Variants in CDH12 observed in about 807,000 individuals in gnomAD.
CDH12 encodes the protein cadherin-12.
A neutral mutation model predicts 74.1 loss-of-function variants in CDH12; 41 were observed. The ratio of observed to expected loss-of-function variants is 0.55; its 90% CI spans 0.43 to 0.72. The LOEUF (loss-of-function observed/expected upper bound fraction) is 0.72, where lower values mean the gene tolerates loss of function less well. CDH12 is among the 30% of genes least tolerant of loss of function. The probability of loss-of-function intolerance (pLI) is 0.00; values close to 1 mark genes in which losing one functional copy is unlikely to be tolerated. For missense variants in CDH12, 945 were observed against 977.2 expected (o/e 0.97, Z 0.44); for synonymous variants, 399 against 355.0 (o/e 1.12, Z -1.39).
At chr5:21,998,552 C>T (rs1736428421) in intron 5 of CDH12, among the ~76,000 whole-genome samples, 1 of 152,058 alleles carries the variant, frequency 6.6e-6, no homozygotes, top group Admixed American at 6.6e-5. Context: ...TCAAAGTTTA[C>T]ATTAAAATTT....
At chr5:21,917,615 C>G (rs1010053666) in intron 6 of CDH12, among the ~76,000 whole-genome samples, 8 of 152,068 alleles carry the variant, frequency 5.3e-5, no homozygotes, top group African/African-American at 1.7e-4. Flanking sequence ...TGTGATGAAA[C>G]TAACAAGTGT....
chr5:22,300,233 T>C (rs899810667), intron 3 of CDH12, among the ~76,000 whole-genome samples: 4 of 152,200 alleles, frequency 2.6e-5, no homozygotes, highest in African/African-American at 2.4e-5. Flanking sequence ...TGCCACTGGG[T>C]CTGTGGTATG....
At chr5:21,829,029 C>T (rs1748853949) in intron 8 of CDH12, among the ~76,000 whole-genome samples, 1 of 151,390 alleles carries the variant, frequency 6.6e-6, no homozygotes, top group African/African-American at 2.4e-5. Flanking sequence ...GGCGCAGTGG[C>T]TCATGCCTGT....
intron 4 of CDH12, among the ~76,000 whole-genome samples, chr5:22,202,634 G>C (rs1750990213): frequency 6.6e-6 from 1 of 152,116 alleles, no homozygotes; most frequent in Non-Finnish European, 1.5e-5. Flanking sequence ...GCAGTCAGGA[G>C]GTGGGAGGAT....
chr5:22,804,553 G>A lies in CDH12; in HGVS notation c.-523+48505C>T, dbSNP rs1748689798. 1.3e-5 allele frequency among the ~76,000 whole-genome samples: 2 copies of A among 152,178 alleles called. 1 individual carries two copies. The highest frequency in any genetic ancestry group is 4.1e-4 in the South Asian group (2 of 4,826). On this transcript the variant is annotated intron_variant, in intron 1 of 14. Coordinates refer to ENST00000382254, the MANE Select transcript of CDH12 (RefSeq NM_004061.5). ...TGAATCGATCAGGCTGAAACCTCTG[G>A]CAGCATTTGATGCCTCAGCCTTGAG...
intron 4 of CDH12, among the ~76,000 whole-genome samples, chr5:22,080,579 C>T (rs1742657206): frequency 6.6e-6 from 1 of 151,986 alleles, no homozygotes; most frequent in Non-Finnish European, 1.5e-5. Context: ...AATATGGAAA[C>T]CTCTAGTCAC....
chr5:22,790,434 C>G (rs1012618085), intron 1 of CDH12, among the ~76,000 whole-genome samples: 1 of 152,022 alleles, frequency 6.6e-6, no homozygotes, highest in African/African-American at 2.4e-5. Context: ...TAGCCCAAAG[C>G]CTTACACTTC....
intron 3 of CDH12, among the ~76,000 whole-genome samples, chr5:22,252,809 T>G (rs980370393): frequency 2.6e-5 from 4 of 152,002 alleles, no homozygotes; most frequent in Non-Finnish European, 4.4e-5. Flanking sequence ...TTAGCTTAAT[T>G]TCTTCTATGT....
At chr5:21,815,569 C>A (rs2149943297) in intron 9 of CDH12, among the ~76,000 whole-genome samples, 1 of 152,298 alleles carries the variant, frequency 6.6e-6, no homozygotes, top group East Asian at 1.9e-4. Context: ...CCTCAGCAAT[C>A]CTCTTTGGCT....
At chr5:21,985,851 A>T (rs1757495151) in intron 5 of CDH12, among the ~76,000 whole-genome samples, 1 of 152,180 alleles carries the variant, frequency 6.6e-6, no homozygotes, top group South Asian at 2.1e-4. Flanking sequence ...ATGAAAGAAG[A>T]TCAGACCCAA....
chr5:22,170,995 C>G (rs959811741), intron 4 of CDH12, among the ~76,000 whole-genome samples: 4 of 151,812 alleles, frequency 2.6e-5, no homozygotes, highest in Non-Finnish European at 5.9e-5. Context: ...AAAATAGGTG[C>G]TGTCAGAGGT....
intron 1 of CDH12, among the ~76,000 whole-genome samples, chr5:22,620,558 A>G (rs1040949509): frequency 2.0e-5 from 3 of 152,126 alleles, no homozygotes; most frequent in African/African-American, 7.2e-5. Flanking sequence ...TAGAAAATAG[A>G]AAAAGCAAAA....
intron 5 of CDH12, among the ~76,000 whole-genome samples, chr5:22,032,157 C>G (rs1738863583): frequency 6.6e-6 from 1 of 151,232 alleles, no homozygotes; most frequent in Non-Finnish European, 1.5e-5. Flanking sequence ...ATATGACATG[C>G]CTGTCAACTA....
At chr5:22,308,681 T>A (rs1738232119) in intron 3 of CDH12, among the ~76,000 whole-genome samples, 1 of 152,106 alleles carries the variant, frequency 6.6e-6, no homozygotes, top group African/African-American at 2.4e-5. Context: ...TATTTGCAGA[T>A]CCTTAACTTG....
rs1175106194 is a variant in CDH12, at chr5:22,788,005, T to G, written c.-523+65053A>C. Among the ~76,000 whole-genome samples, 8 of 152,240 alleles carry G rather than the reference T, an allele frequency of 5.3e-5. No homozygotes were observed. In the East Asian group the frequency reaches 1.5e-3, roughly 29 times the overall value. The stretch of plus-strand genomic sequence containing the variant: ...TTCAGCCACACTCAAGGGATGAGTG[T>G]CACACAAGAGAATGAATAATAGGAA... On this transcript the variant is annotated intron_variant, in intron 1 of 14. Transcript: ENST00000382254.
At chr5:22,327,608 T>C (rs895656342) in intron 3 of CDH12, among the ~76,000 whole-genome samples, 7 of 152,188 alleles carry the variant, frequency 4.6e-5, no homozygotes, top group Non-Finnish European at 8.8e-5. Context: ...TGGAGGGTCA[T>C]AGAGCGCTAG....
intron 1 of CDH12, among the ~76,000 whole-genome samples, chr5:22,549,773 C>G (rs1027588805): frequency 8.5e-5 from 13 of 152,098 alleles, no homozygotes; most frequent in African/African-American, 9.7e-5. Context: ...TAGTTAATAC[C>G]AAGTATTGAT....
At chr5:22,103,408 C>T (rs1237336057) in intron 4 of CDH12, among the ~76,000 whole-genome samples, 2 of 152,144 alleles carry the variant, frequency 1.3e-5, no homozygotes, top group Non-Finnish European at 2.9e-5. Flanking sequence ...ATCTTAGCAC[C>T]TCTGCAGCTG....
At chr5:22,491,465 A>G (rs995582437) in intron 2 of CDH12, among the ~76,000 whole-genome samples, 2 of 152,112 alleles carry the variant, frequency 1.3e-5, no homozygotes, top group African/African-American at 4.8e-5. Flanking sequence ...ATCATCTATT[A>G]GTTAACTAGG....
Sources: gnomAD v4.1 joint callset for allele counts (sites outside exome capture counted in the v4.1 genomes callset) on GRCh38, gnomAD v4.1.1 for gene constraint, MANE v1.5 for transcripts, NCBI Gene and HGNC (gene_info 2026-07-23, HGNC 2026-07-21) for gene names.